Variants in NEDD4 observed in about 807,000 individuals in gnomAD.
The protein encoded by NEDD4 is NEDD4 E3 ubiquitin protein ligase.
In NEDD4, 99 loss-of-function variants were observed where a neutral mutation model predicts 144.9. The observed-to-expected ratio is 0.68, with a 90% CI of 0.58 to 0.81. NEDD4 has a LOEUF of 0.81. Among genes scored for constraint, NEDD4 ranks in the 30% least tolerant of loss-of-function variants. The probability of loss-of-function intolerance (pLI) is 0.00; values close to 1 mark genes in which losing one functional copy is unlikely to be tolerated. For missense variants in NEDD4, 985 were observed against 1,065.9 expected (o/e 0.92, Z 1.06); for synonymous variants, 318 against 350.6 (o/e 0.91, Z 1.04).
intron 5 of NEDD4, chr15:55,905,089 TC>T (rs1345728279): frequency 2.3e-5 from 7 of 304,406 alleles, no homozygotes; most frequent in African/African-American, 1.8e-4. Context: ...CGAAATTCCG[TC>T]TCAAAAAAAA....
At chr15:55,884,580 G>T (rs1375517756) in intron 5 of NEDD4, among the ~76,000 whole-genome samples, 1 of 152,066 alleles carries the variant, frequency 6.6e-6, no homozygotes, top group Non-Finnish European at 1.5e-5. Context: ...AATCCTGTCA[G>T]ATAAATTTAA....
At chr15:55,875,068 T>C (rs2034945747) in intron 5 of NEDD4, among the ~76,000 whole-genome samples, 1 of 143,502 alleles carries the variant, frequency 7.0e-6, no homozygotes, top group Admixed American at 6.9e-5. Context: ...CAGCCCACAA[T>C]AAAAAAATTA....
intron 5 of NEDD4, among the ~76,000 whole-genome samples, chr15:55,879,658 G>A (rs1022085392): frequency 2.0e-5 from 3 of 152,162 alleles, no homozygotes; most frequent in Admixed American, 6.5e-5. Flanking sequence ...CAGAAAAACC[G>A]TAATATTCCC....
At position 55,836,700 on chromosome 15, in the gene NEDD4, G is replaced by A. The variant is rs150763469; in HGVS notation, c.2262+1089C>T. 4.2e-3 allele frequency among the ~76,000 whole-genome samples: 634 copies of A among 152,092 alleles called. 5 individuals are homozygous for A. Among genetic ancestry groups the A allele is most frequent in the African/African-American group, 0.015 (607 of 41,494 alleles). On this transcript the variant is annotated intron_variant, in intron 24 of 28. Coordinates refer to ENST00000435532, the MANE Select transcript of NEDD4 (RefSeq NM_006154.4). ...GCCACCACGTCCGGCTAATTTTTTTGTATTTTTAGTAGAGACAGGGTTTCA... is the reference window on the plus strand; with the variant it reads ...GCCACCACGTCCGGCTAATTTTTTTATATTTTTAGTAGAGACAGGGTTTCA...
At chr15:55,844,469 G>T (rs144600467) in intron 18 of NEDD4, among the ~76,000 whole-genome samples, 1 of 152,090 alleles carries the variant, frequency 6.6e-6, no homozygotes, top group Non-Finnish European at 1.5e-5. Flanking sequence ...GGAAGAAGAG[G>T]GGGGTACAAG....
At chr15:55,851,327 G>A (rs2033971322) in intron 13 of NEDD4, among the ~76,000 whole-genome samples, 1 of 151,066 alleles carries the variant, frequency 6.6e-6, no homozygotes, top group African/African-American at 2.4e-5. Flanking sequence ...TTAAAACAAT[G>A]TTAAGCAAAA....
chr15:55,964,896 T>C (rs2037487607), intron 2 of NEDD4, among the ~76,000 whole-genome samples: 1 of 151,854 alleles, frequency 6.6e-6, no homozygotes, highest in Non-Finnish European at 1.5e-5. Flanking sequence ...AGTGAGTGAG[T>C]TCTCATTCTA....
intron 1 of NEDD4, among the ~76,000 whole-genome samples, chr15:55,978,029 T>C (rs1257084267): frequency 9.2e-5 from 14 of 152,176 alleles, no homozygotes; most frequent in Non-Finnish European, 1.5e-5. Flanking sequence ...TAAGTTCAGG[T>C]AGCAGTTATA....
intron 27 of NEDD4, 70 bp downstream of exon 27, chr15:55,832,938 G>A (rs189068637): frequency 5.0e-5 from 51 of 1,019,978 alleles, no homozygotes; most frequent in Non-Finnish European, 7.0e-5. Flanking sequence ...GGAAGCTTGC[G>A]GATTCGTCAG....
rs144014357 is a variant in NEDD4 at position 55,889,510 on chromosome 15, G to A, written c.292-15502C>T. 8.9e-3 allele frequency among the ~76,000 whole-genome samples: 1,351 copies of A among 152,270 alleles called. 23 individuals carry two copies. The highest frequency in any genetic ancestry group is 0.031 in the African/African-American group (1,291 of 41,556). On this transcript the variant is annotated intron_variant, in intron 5 of 28. Transcript: ENST00000435532. ...CACATGTTCTCACTTATTTGTGGGA[G>A]CTAAAAATTAAAACAATTGAACTGA...
chr15:55,870,126 T>C (rs1459220251), intron 7 of NEDD4, among the ~76,000 whole-genome samples: 1 of 152,146 alleles, frequency 6.6e-6, no homozygotes, highest in Non-Finnish European at 1.5e-5. Flanking sequence ...TTATAGGACA[T>C]GTAAAGGGGA....
chr15:55,958,356 C>G (rs2037372667), intron 2 of NEDD4, among the ~76,000 whole-genome samples: 1 of 152,022 alleles, frequency 6.6e-6, no homozygotes, highest in African/African-American at 2.4e-5. Flanking sequence ...GTTGAACAAA[C>G]CTTGCATTTG....
At chr15:55,939,764 C>A (rs1227166982) in intron 4 of NEDD4, among the ~76,000 whole-genome samples, 1 of 152,094 alleles carries the variant, frequency 6.6e-6, no homozygotes, top group Non-Finnish European at 1.5e-5. Flanking sequence ...AATGCTCCAG[C>A]CTCTACAGAA....
chr15:55,964,804 A>C (rs1225184034), intron 2 of NEDD4, among the ~76,000 whole-genome samples: 2 of 151,904 alleles, frequency 1.3e-5, no homozygotes, highest in Non-Finnish European at 2.9e-5. Context: ...CAATGTGGGA[A>C]TATTGAAAGA....
At chr15:55,843,364 C>A (rs561620464) in intron 18 of NEDD4, among the ~76,000 whole-genome samples, 2 of 152,180 alleles carry the variant, frequency 1.3e-5, no homozygotes, top group Non-Finnish European at 2.9e-5. Flanking sequence ...CTGAAGAAGA[C>A]GACTTAAGAA....
chr15:55,938,122 A>C (rs910992272), intron 4 of NEDD4, among the ~76,000 whole-genome samples: 2 of 152,168 alleles, frequency 1.3e-5, no homozygotes, highest in Non-Finnish European at 2.9e-5. Context: ...GCACTTTGGG[A>C]GGCTGAGGTG....
intron 5 of NEDD4, among the ~76,000 whole-genome samples, chr15:55,909,953 G>A (rs1012002843): frequency 3.3e-5 from 5 of 152,092 alleles, no homozygotes; most frequent in Non-Finnish European, 5.9e-5. Flanking sequence ...ATTCATAAGC[G>A]ATTTCAAGTT....
In NEDD4 at chr15:55,922,022, G is replaced by T. The variant is rs16976653; in HGVS notation, c.291+2624C>A. Among the ~76,000 whole-genome samples, 6 of 152,108 alleles carry T rather than the reference G, an allele frequency of 3.9e-5. No homozygotes were observed. The East Asian group carries it at 1.2e-3, about 29-fold the overall frequency. On this transcript the variant is annotated intron_variant, in intron 5 of 28. Transcript: ENST00000435532. ...CAATGATCAGGCAAAATTCACATCG[G>T]TATCAGTGGCAACAGGAAAAATAAC...
chr15:55,834,542 A>G (rs2033107524), intron 24 of NEDD4, among the ~76,000 whole-genome samples: 1 of 152,122 alleles, frequency 6.6e-6, no homozygotes, highest in African/African-American at 2.4e-5. Context: ...CTGTAATCCC[A>G]GCACTTTGGG....
Sources: gnomAD v4.1 joint callset for allele counts (sites outside exome capture counted in the v4.1 genomes callset) on GRCh38, gnomAD v4.1.1 for gene constraint, MANE v1.5 for transcripts, NCBI Gene and HGNC (gene_info 2026-07-23, HGNC 2026-07-21) for gene names.